The following PPP2R2B variants were observed in gnomAD, a reference collection of about 807,000 sequenced individuals.
The protein encoded by PPP2R2B is serine/threonine-protein phosphatase 2A 55 kDa regulatory subunit B beta isoform.
PPP2R2B carries 5 observed loss-of-function variants against 46.0 expected under a neutral mutation model. That is an observed-to-expected ratio of 0.11 (90% CI 0.06 to 0.23). The LOEUF is 0.23. Ranked by LOEUF, PPP2R2B falls within the 10% of genes least tolerant of loss-of-function variation. PPP2R2B has a pLI of 1.00. For synonymous variants in PPP2R2B, 215 were observed against 206.7 expected, an observed-to-expected ratio of 1.04 and a Z score of -0.34; for missense variants, 367 against 575.0, an observed-to-expected ratio of 0.64 and a Z score of 3.70.
In PPP2R2B at chr5:146,698,155, G is replaced by C. The variant is rs374166819; in HGVS notation, c.169-11C>G. On this transcript the variant is annotated splice_polypyrimidine_tract_variant and intron_variant, in intron 3 of 9. Transcript: ENST00000394411. ...AACCTGATTTTTACTCTGTAGGAAA[G>C]GAAAAAAATACACAACAGATTAAAT... 1.3e-6 allele frequency: 2 copies of C among 1,564,510 alleles called. No homozygotes were observed. The highest frequency in any genetic ancestry group is 2.8e-5 in the African/African-American group (2 of 70,904).
chr5:146,996,694 T>C (rs1479897307), intron 1 of PPP2R2B, among the ~76,000 whole-genome samples: 1 of 152,174 alleles, frequency 6.6e-6, no homozygotes. Context: ...AAGAAACTAC[T>C]GATAAGTCAC....
At chr5:146,903,062 G>A (rs565129680) in intron 1 of PPP2R2B, among the ~76,000 whole-genome samples, 1 of 152,310 alleles carries the variant, frequency 6.6e-6, no homozygotes, top group Admixed American at 6.5e-5. Context: ...AAGCACATAT[G>A]AGAACCTGTC....
intron 1 of PPP2R2B, among the ~76,000 whole-genome samples, chr5:146,963,581 G>T (rs1334254846): frequency 6.6e-6 from 1 of 152,110 alleles, no homozygotes. Context: ...TCCCCAAGGG[G>T]TTTATCAGCA....
At chr5:146,635,853 T>A (rs1774783407) in intron 7 of PPP2R2B, among the ~76,000 whole-genome samples, 1 of 152,236 alleles carries the variant, frequency 6.6e-6, no homozygotes, top group African/African-American at 2.4e-5. Context: ...TGTGACCAAG[T>A]CAGATTCAGT....
At chr5:146,882,315 A>G (rs1307727639), upstream of PPP2R2B, among the ~76,000 whole-genome samples, 2 of 152,206 alleles carry the variant, frequency 1.3e-5, no homozygotes, top group South Asian at 2.1e-4. Context: ...ATATAGATTT[A>G]TATAAAACAG....
intron 7 of PPP2R2B, among the ~76,000 whole-genome samples, chr5:146,632,072 C>CG (rs1554116659): frequency 7.5e-6 from 1 of 133,842 alleles, no homozygotes; most frequent in Admixed American, 7.4e-5. Flanking sequence ...CCCCCCCCCC[C>CG]GCCCATTCAT....
At chr5:146,792,235 A>G (rs1756246086) in intron 2 of PPP2R2B, among the ~76,000 whole-genome samples, 1 of 152,168 alleles carries the variant, frequency 6.6e-6, no homozygotes, top group Non-Finnish European at 1.5e-5. Context: ...GATTAAGCAA[A>G]CTTTTAGTAG....
intron 1 of PPP2R2B, among the ~76,000 whole-genome samples, chr5:146,902,180 T>C (rs1276452311): frequency 6.6e-6 from 1 of 152,142 alleles, no homozygotes; most frequent in African/African-American, 2.4e-5. Flanking sequence ...ACCATTTCTT[T>C]CTATTCCTCT....
chr5:146,667,332 G>GCGCGCACA (rs1239646840), intron 5 of PPP2R2B, among the ~76,000 whole-genome samples: 1 of 32,012 alleles, frequency 3.1e-5, no homozygotes, highest in African/African-American at 9.3e-5. Flanking sequence ...GCGTGCGCGC[G>GCGCGCACA]CACACACACA....
chr5:147,061,539 T>C (rs1196758535), intron 2 of PPP2R2B, among the ~76,000 whole-genome samples: 1 of 152,212 alleles, frequency 6.6e-6, no homozygotes, highest in Non-Finnish European at 1.5e-5. Context: ...ACACAGGGTA[T>C]GTTGTCTTTC....
chr5:146,934,475 GTCT>G (rs547437430), intron 1 of PPP2R2B, among the ~76,000 whole-genome samples: 1,658 of 146,860 alleles, frequency 0.011, 20 homozygotes, highest in Non-Finnish European at 0.019. Flanking sequence ...CTGCATAAAT[GTCT>G]TCTTTTGAGA....
chr5:146,930,406 C>A (rs992840330), intron 1 of PPP2R2B, among the ~76,000 whole-genome samples: 7 of 152,100 alleles, frequency 4.6e-5, no homozygotes, highest in Admixed American at 3.3e-4. Context: ...TAACACTAAC[C>A]CCTCTGGGTC....
intron 1 of PPP2R2B, among the ~76,000 whole-genome samples, chr5:146,892,657 T>C (rs1762525022): frequency 6.6e-6 from 1 of 152,116 alleles, no homozygotes; most frequent in African/African-American, 2.4e-5. Context: ...GTTTCCTAAA[T>C]CCAATGGCAC....
chr5:146,919,849 A>G (rs1763531083), intron 1 of PPP2R2B: 1 of 152,218 alleles, frequency 6.6e-6, no homozygotes, highest in Non-Finnish European at 1.5e-5. Context: ...GTGACTTGTA[A>G]TAAGAAAAAT....
intron 1 of PPP2R2B, among the ~76,000 whole-genome samples, chr5:147,027,230 A>G (rs771396920): frequency 3.3e-5 from 5 of 152,254 alleles, no homozygotes; most frequent in Non-Finnish European, 7.3e-5. Flanking sequence ...GGATAAGCCA[A>G]CATATAATGA....
At chr5:146,691,021 C>G (rs1778816293) in intron 5 of PPP2R2B, 107 bp downstream of exon 5, 2 of 873,118 alleles carry the variant, frequency 2.3e-6, no homozygotes. Context: ...TGCCTACGTT[C>G]CCTCACTGGC....
chr5:146,878,562 G>A lies in PPP2R2B; in HGVS notation c.-125+29C>T. 2.4e-6 allele frequency: 3 copies of A among 1,250,724 alleles called. No homozygotes were observed. The highest frequency in any genetic ancestry group is 1.0e-6 in the Non-Finnish European group (1 of 976,750). 77.5% of individuals were successfully genotyped at this position (1,250,724 alleles called of 1,614,324 possible). On this transcript the variant is annotated intron_variant, in intron 1 of 9. Coordinates refer to ENST00000394411, the MANE Select transcript of PPP2R2B (RefSeq NM_181675.4). The surrounding 1 kb of genome is among the most constrained non-coding windows in gnomAD (Gnocchi z 4.5). Reference sequence around the variant, plus strand: ...CTTTCTGGACCCGAGCTGCAGTGGCGAGATGGCAGGGACAGGATTCAGGCT... The same window carrying A: ...CTTTCTGGACCCGAGCTGCAGTGGCAAGATGGCAGGGACAGGATTCAGGCT...
chr5:146,861,131 T>C (rs1479286118), intron 2 of PPP2R2B, among the ~76,000 whole-genome samples: 1 of 149,636 alleles, frequency 6.7e-6, no homozygotes, highest in Non-Finnish European at 1.5e-5. Flanking sequence ...TCTCGGCTCA[T>C]TGCAACCTCT....
At chr5:146,929,261 C>G (rs1763888130) in intron 1 of PPP2R2B, among the ~76,000 whole-genome samples, 1 of 152,162 alleles carries the variant, frequency 6.6e-6, no homozygotes, top group Admixed American at 6.5e-5. Flanking sequence ...TCATCTGTCT[C>G]CTCCTTCTCT....
Sources: gnomAD v4.1 joint callset for allele counts (sites outside exome capture counted in the v4.1 genomes callset) on GRCh38, gnomAD v4.1.1 for gene constraint, Gnocchi (gnomAD v3.1) non-coding constraint, MANE v1.5 for transcripts, NCBI Gene and HGNC (gene_info 2026-07-23, HGNC 2026-07-21) for gene names.